PDGFD: variants seen among roughly 807,000 people sequenced by gnomAD.
PDGFD encodes the protein platelet-derived growth factor D.
Under a neutral mutation model 44.7 loss-of-function variants are expected in PDGFD, and 30 were observed. That is an observed-to-expected ratio of 0.67 (90% CI 0.50 to 0.91). The LOEUF (loss-of-function observed/expected upper bound fraction) is 0.91, where lower values mean the gene tolerates loss of function less well. Ranked by LOEUF, PDGFD falls within the 40% of genes least tolerant of loss-of-function variation. The pLI, the probability that PDGFD is intolerant of heterozygous loss-of-function variation, is 0.00. For synonymous variants in PDGFD, 173 were observed against 168.4 expected (o/e 1.03, Z -0.21); for missense variants, 445 against 457.8 (o/e 0.97, Z 0.25).
At chr11:104,053,223 T>C (rs942568836) in intron 1 of PDGFD, among the ~76,000 whole-genome samples, 3 of 152,272 alleles carry the variant, frequency 2.0e-5, no homozygotes, top group South Asian at 2.1e-4. Context: ...CAAGAGTTTT[T>C]AGAGAGAATA....
chr11:103,988,319 A>G (rs1859401038), intron 3 of PDGFD, among the ~76,000 whole-genome samples: 1 of 151,746 alleles, frequency 6.6e-6, no homozygotes, highest in Admixed American at 6.6e-5. Flanking sequence ...TTGCATGCCC[A>G]TATAATTAGA....
chr11:104,051,991 C>T (rs1393395272), intron 1 of PDGFD, among the ~76,000 whole-genome samples: 2 of 152,086 alleles, frequency 1.3e-5, no homozygotes, highest in African/African-American at 2.4e-5. Flanking sequence ...AAGGGAAACC[C>T]TATACACCTT....
chr11:104,103,462 GTA>G (rs58684985), intron 1 of PDGFD, among the ~76,000 whole-genome samples: 6,900 of 133,108 alleles, frequency 0.052, 252 homozygotes, highest in African/African-American at 0.11. Flanking sequence ...GTGTGTGTGT[GTA>G]TATATATATA....
At chr11:103,959,787 C>T (rs1341019316) in intron 3 of PDGFD, among the ~76,000 whole-genome samples, 2 of 152,176 alleles carry the variant, frequency 1.3e-5, no homozygotes, top group Admixed American at 6.5e-5. Context: ...CTCCTGGGGG[C>T]AACTGCCTGA....
At chr11:103,937,774 A>G (rs1215012889) in intron 5 of PDGFD, among the ~76,000 whole-genome samples, 4 of 138,884 alleles carry the variant, frequency 2.9e-5, no homozygotes, top group African/African-American at 1.1e-4. Flanking sequence ...TCATTGTTCA[A>G]TTCCCACCTA....
intron 1 of PDGFD, among the ~76,000 whole-genome samples, chr11:104,022,307 T>C (rs2134383124): frequency 6.6e-6 from 1 of 152,298 alleles, no homozygotes; most frequent in African/African-American, 2.4e-5. Context: ...AGTTCTAACA[T>C]AATGCATTCC....
At chr11:104,075,603 C>G (rs565410723) in intron 1 of PDGFD, among the ~76,000 whole-genome samples, 1 of 141,974 alleles carries the variant, frequency 7.0e-6, no homozygotes, top group Non-Finnish European at 1.6e-5. Context: ...AAGCAATCCT[C>G]CTACCTCAAC....
chr11:104,048,828 C>G (rs1400178744), intron 1 of PDGFD, among the ~76,000 whole-genome samples: 2 of 152,216 alleles, frequency 1.3e-5, no homozygotes, highest in Non-Finnish European at 2.9e-5. Flanking sequence ...CACTAGTCAT[C>G]TTCTTGAAGC....
In PDGFD at chr11:103,947,707, T is replaced by C; in HGVS notation, c.528A>G (p.Ala176=). Residue 176 remains alanine (A), a synonymous_variant, in exon 4 of 7, where the codon GCA becomes GCG. Transcript: ENST00000393158. ...ATTCCCAGTTGGTCTCTGAAGCTGCTGCGGGTTGGAAATCTTCCTGGAAGG... is the reference window on the plus strand; with the variant it reads ...ATTCCCAGTTGGTCTCTGAAGCTGCCGCGGGTTGGAAATCTTCCTGGAAGG... The part of the protein sequence containing the change: ...YYSLLEDFQP[A]AASETNWESV... 1.2e-6 allele frequency: 2 copies of C among 1,613,596 alleles called. No individual in the cohort carries two copies. The highest frequency in any genetic ancestry group is 1.7e-6 in the Non-Finnish European group (2 of 1,179,604).
At chr11:103,948,236 T>C (rs1278206141) in intron 3 of PDGFD, among the ~76,000 whole-genome samples, 1 of 152,210 alleles carries the variant, frequency 6.6e-6, no homozygotes, top group Non-Finnish European at 1.5e-5. Context: ...TTGGTGATCT[T>C]TTCAACGATA....
chr11:104,077,639 A>C (rs1860978973), intron 1 of PDGFD, among the ~76,000 whole-genome samples: 1 of 152,210 alleles, frequency 6.6e-6, no homozygotes, highest in African/African-American at 2.4e-5. Context: ...TCAGGTATGC[A>C]AAGTTGTGCA....
At chr11:104,160,251 T>C (rs1463308522) in intron 1 of PDGFD, among the ~76,000 whole-genome samples, 1 of 152,190 alleles carries the variant, frequency 6.6e-6, no homozygotes, top group African/African-American at 2.4e-5. Context: ...TTCAATACTA[T>C]TATACTAACC....
At chr11:103,982,030 C>T (rs1210708801) in intron 3 of PDGFD, among the ~76,000 whole-genome samples, 1 of 151,672 alleles carries the variant, frequency 6.6e-6, no homozygotes, top group East Asian at 1.9e-4. Flanking sequence ...ATTTCTATTC[C>T]ACAGTTTCCC....
chr11:104,123,931 A>G (rs1465151975), intron 1 of PDGFD, among the ~76,000 whole-genome samples: 1 of 152,082 alleles, frequency 6.6e-6, no homozygotes, highest in East Asian at 1.9e-4. Context: ...TAGTTAATTC[A>G]CAAAGGTATG....
chr11:104,076,829 C>T (rs1470693663), intron 1 of PDGFD, among the ~76,000 whole-genome samples: 1 of 152,198 alleles, frequency 6.6e-6, no homozygotes, highest in African/African-American at 2.4e-5. Context: ...CCTTCCTCAG[C>T]ATATTCAACG....
intron 1 of PDGFD, among the ~76,000 whole-genome samples, chr11:104,040,470 G>A (rs977481848): frequency 9.9e-5 from 15 of 151,968 alleles, no homozygotes; most frequent in African/African-American, 3.6e-4. Context: ...ATGTCTTCAT[G>A]TAATTCTGTG....
At chr11:104,012,214 C>T (rs938982944) in intron 1 of PDGFD, among the ~76,000 whole-genome samples, 1 of 152,066 alleles carries the variant, frequency 6.6e-6, no homozygotes, top group Non-Finnish European at 1.5e-5. Flanking sequence ...TGATATTTCT[C>T]GGAATTATCT....
chr11:104,083,964 T>A (rs1250777300), intron 1 of PDGFD, among the ~76,000 whole-genome samples: 1 of 152,198 alleles, frequency 6.6e-6, no homozygotes, highest in Non-Finnish European at 1.5e-5. Context: ...GTACAGGTTA[T>A]GAAAAGCAGC....
chr11:104,068,874 G>A (rs1237640535), intron 1 of PDGFD, among the ~76,000 whole-genome samples: 1 of 151,990 alleles, frequency 6.6e-6, no homozygotes, highest in Non-Finnish European at 1.5e-5. Context: ...TTATTTCAGT[G>A]TAAGTTGCAG....
Sources: allele counts gnomAD v4.1 joint callset (sites outside exome capture counted in the v4.1 genomes callset), GRCh38; gene constraint gnomAD v4.1.1; transcripts MANE v1.5; gene names NCBI Gene and HGNC (gene_info 2026-07-23, HGNC 2026-07-21).